The following HYCC1 variants were observed in gnomAD, a reference collection of about 807,000 sequenced individuals.
The protein encoded by HYCC1 is hyccin PI4KA lipid kinase complex subunit 1.
At chr7:22,908,514 G>T in the HYCC1 span, among the ~76,000 whole-genome samples, 38,046 of 152,004 alleles carry the variant, frequency 0.25, 4,944 homozygotes, top group East Asian at 0.48. Context: ...TCTCCAAATA[G>T]AGCTGTTAAT....
the HYCC1 span, chr7:22,977,189 C>A: frequency 1.6e-6 from 1 of 642,478 alleles, no homozygotes; most frequent in Non-Finnish European, 2.8e-6. Flanking sequence ...GATTTCTTAT[C>A]TCAATTTGGA....
chr7:22,987,297 A>T, the HYCC1 span, among the ~76,000 whole-genome samples: 4 of 152,248 alleles, frequency 2.6e-5, no homozygotes, highest in South Asian at 2.1e-4. Flanking sequence ...CTGTAATCCC[A>T]ACACATTTGG....
chr7:23,002,774 C>T, the HYCC1 span, among the ~76,000 whole-genome samples: 1 of 152,048 alleles, frequency 6.6e-6, no homozygotes, highest in Non-Finnish European at 1.5e-5. Context: ...CTAGGGCTGC[C>T]GTAACAAAGT....
chr7:22,949,751 G>A, the HYCC1 span, among the ~76,000 whole-genome samples: 3 of 151,840 alleles, frequency 2.0e-5, no homozygotes, highest in Non-Finnish European at 4.4e-5. Flanking sequence ...ACTTTTATCA[G>A]AATAAAGGTC....
chr7:22,938,385 AT>A, the HYCC1 span: 10 of 152,296 alleles, frequency 6.6e-5, no homozygotes, highest in South Asian at 6.2e-4. Flanking sequence ...ACCTTAAACC[AT>A]TTGAGCATAG....
chr7:22,905,540 A>G, the HYCC1 span, among the ~76,000 whole-genome samples: 4,510 of 151,694 alleles, frequency 0.03, 238 homozygotes, highest in African/African-American at 0.1. Flanking sequence ...GAAGGGGACA[A>G]ATATACAAAC....
At chr7:22,955,929 CTTT>C in the HYCC1 span, among the ~76,000 whole-genome samples, 1 of 151,434 alleles carries the variant, frequency 6.6e-6, no homozygotes, top group African/African-American at 2.4e-5. Flanking sequence ...CCTTTAACTT[CTTT>C]TTATTTTTAA....
At chr7:22,992,043 C>A in the HYCC1 span, among the ~76,000 whole-genome samples, 263 of 151,886 alleles carry the variant, frequency 1.7e-3, 1 homozygote, top group Non-Finnish European at 2.9e-3. Flanking sequence ...TACCTATTTG[C>A]AAGGAGTTAT....
the HYCC1 span, among the ~76,000 whole-genome samples, chr7:22,990,039 C>A: frequency 6.6e-6 from 1 of 152,184 alleles, no homozygotes; most frequent in African/African-American, 2.4e-5. Context: ...GTCACTTTGA[C>A]ATAGAGAAGC....
the HYCC1 span, among the ~76,000 whole-genome samples, chr7:22,913,922 C>G: frequency 6.6e-6 from 1 of 152,212 alleles, no homozygotes; most frequent in African/African-American, 2.4e-5. Flanking sequence ...CCTATGACCT[C>G]AGGTCCTCAG....
At chr7:22,987,438 C>T in the HYCC1 span, among the ~76,000 whole-genome samples, 1 of 152,290 alleles carries the variant, frequency 6.6e-6, no homozygotes, top group East Asian at 1.9e-4. Context: ...ATCCCAGCTA[C>T]TCAGAAGGCT....
At chr7:22,991,120 A>T in the HYCC1 span, 1 of 1,608,618 alleles carries the variant, frequency 6.2e-7, no homozygotes, top group Non-Finnish European at 8.5e-7. Flanking sequence ...ATTTTTCCAC[A>T]TCTGTTCTAA....
At chr7:22,986,835 G>A in the HYCC1 span, among the ~76,000 whole-genome samples, 36 of 152,150 alleles carry the variant, frequency 2.4e-4, no homozygotes, top group Non-Finnish European at 4.7e-4. Context: ...GCAACAGAAC[G>A]AGACTCTGTC....
chr7:22,952,025 A>G, the HYCC1 span, among the ~76,000 whole-genome samples: 1 of 151,994 alleles, frequency 6.6e-6, no homozygotes, highest in Admixed American at 6.6e-5. Context: ...CCTATGTTAT[A>G]CATTTCTTTA....
chr7:22,977,379 T>A, the HYCC1 span: 3 of 1,599,270 alleles, frequency 1.9e-6, no homozygotes, highest in Non-Finnish European at 2.6e-6. Flanking sequence ...GATGGAATCG[T>A]AAAACTCAAT....
the HYCC1 span, among the ~76,000 whole-genome samples, chr7:22,965,005 G>A: frequency 1.3e-5 from 2 of 151,880 alleles, no homozygotes; most frequent in African/African-American, 4.8e-5. Context: ...ATGGTGGCAT[G>A]TGCCTGTATT....
At chr7:22,922,971 C>T in the HYCC1 span, among the ~76,000 whole-genome samples, 2 of 152,124 alleles carry the variant, frequency 1.3e-5, no homozygotes, top group African/African-American at 2.4e-5. Context: ...TAGTGAGATA[C>T]TTCAATACTC....
chr7:22,958,833 T>A, the HYCC1 span, among the ~76,000 whole-genome samples: 5 of 152,128 alleles, frequency 3.3e-5, no homozygotes, highest in African/African-American at 1.2e-4. Flanking sequence ...ATTCCCAATA[T>A]GTCTACCTAA....
chr7:22,948,738 G>A, the HYCC1 span, among the ~76,000 whole-genome samples: 2 of 151,906 alleles, frequency 1.3e-5, no homozygotes, highest in African/African-American at 4.8e-5. Flanking sequence ...GTGCTTCATA[G>A]GCTTTTGACT....
Sources: allele counts gnomAD v4.1 joint callset (sites outside exome capture counted in the v4.1 genomes callset), GRCh38; gene constraint gnomAD v4.1.1; transcripts MANE v1.5; gene names NCBI Gene and HGNC (gene_info 2026-07-23, HGNC 2026-07-21).